Variants in SLIT3 observed in about 807,000 individuals in gnomAD.
SLIT3 encodes slit guidance ligand 3, also known as slit homolog 3 protein.
SLIT3 carries 68 observed loss-of-function variants against 184.0 expected under a neutral mutation model. That is an observed-to-expected ratio of 0.37 (90% CI 0.30 to 0.45). The LOEUF (loss-of-function observed/expected upper bound fraction) is 0.45, where lower values mean the gene tolerates loss of function less well. Ranked by LOEUF, SLIT3 falls within the 20% of genes least tolerant of loss-of-function variation. The probability of loss-of-function intolerance (pLI) is 1.00; values close to 1 mark genes in which losing one functional copy is unlikely to be tolerated. For missense variants in SLIT3, 1,707 were observed against 2,026.0 expected (o/e 0.84, Z 3.02); for synonymous variants, 831 against 828.6 (o/e 1.00, Z -0.05).
At chr5:169,136,860 C>T (rs895374340) in intron 4 of SLIT3, among the ~76,000 whole-genome samples, 1 of 152,086 alleles carries the variant, frequency 6.6e-6, no homozygotes, top group Non-Finnish European at 1.5e-5. Flanking sequence ...GACTTTAGAT[C>T]CTAGCCACCC....
chr5:169,176,033 T>C (rs1251963705), intron 4 of SLIT3, among the ~76,000 whole-genome samples: 1 of 152,310 alleles, frequency 6.6e-6, no homozygotes. Flanking sequence ...GCTTTTCTGT[T>C]GTTGTTTGAT....
intron 4 of SLIT3, among the ~76,000 whole-genome samples, chr5:169,079,035 A>T (rs928770694): frequency 1.3e-5 from 2 of 152,244 alleles, no homozygotes; most frequent in African/African-American, 4.8e-5. Context: ...GCTTCCTAAA[A>T]TTCAGTCTCT....
intron 12 of SLIT3, among the ~76,000 whole-genome samples, chr5:168,777,488 T>C (rs1755804750): frequency 6.6e-6 from 1 of 152,214 alleles, no homozygotes; most frequent in Non-Finnish European, 1.5e-5. Context: ...ATCAGGTCTA[T>C]TGAGGCTCTT....
chr5:168,744,672 A>G (rs1239752578), intron 20 of SLIT3, among the ~76,000 whole-genome samples: 1 of 152,252 alleles, frequency 6.6e-6, no homozygotes. Flanking sequence ...AAATATAGCA[A>G]CAAAGACTGG....
intron 4 of SLIT3, among the ~76,000 whole-genome samples, chr5:169,155,537 T>C (rs1245092929): frequency 5.3e-5 from 8 of 152,174 alleles, no homozygotes; most frequent in Admixed American, 3.3e-4. Flanking sequence ...CTAACGTAGA[T>C]ACAAGGCTGG....
Position 168,970,977 on chromosome 5 carries a change from G to A in SLIT3, c.414-87641C>T, listed in dbSNP as rs537090048. Among the ~76,000 whole-genome samples, 3 of 152,296 alleles carry A rather than the reference G, an allele frequency of 2.0e-5. No homozygotes were observed. The South Asian group carries it at 6.2e-4, about 32-fold the overall frequency. ...CCCTCCATGAAGAGCTTGCATGCTGGTGGACCCATCTTCTTTATCCATCTG... is the reference window on the plus strand; with the variant it reads ...CCCTCCATGAAGAGCTTGCATGCTGATGGACCCATCTTCTTTATCCATCTG... On this transcript the variant is annotated intron_variant, in intron 4 of 35. Coordinates refer to ENST00000519560, the MANE Select transcript of SLIT3 (RefSeq NM_003062.4).
chr5:169,134,506 A>G (rs1421766), intron 4 of SLIT3, among the ~76,000 whole-genome samples: 91,945 of 151,992 alleles, frequency 0.6, 29,134 homozygotes, highest in African/African-American at 0.79. Flanking sequence ...CATAGGACTT[A>G]ACTTAAACTG....
intron 32 of SLIT3, among the ~76,000 whole-genome samples, chr5:168,683,698 C>T (rs1018830493): frequency 2.6e-5 from 4 of 152,230 alleles, no homozygotes; most frequent in African/African-American, 9.6e-5. Flanking sequence ...CACTCCCGCA[C>T]AGTAGCCAGC....
At chr5:168,970,823 A>T (rs190635071) in intron 4 of SLIT3, among the ~76,000 whole-genome samples, 134 of 152,228 alleles carry the variant, frequency 8.8e-4, no homozygotes, top group Non-Finnish European at 4.1e-4. Context: ...AGGGTATGTA[A>T]TATCTTTGGA....
intron 4 of SLIT3, chr5:169,023,605 C>T (rs1581317936): frequency 6.7e-6 from 1 of 149,506 alleles, no homozygotes; most frequent in Non-Finnish European, 1.5e-5. Flanking sequence ...ACCCTCTGTT[C>T]TTTTTTTTTT....
At chr5:169,159,009 A>C (rs1014802170) in intron 4 of SLIT3, among the ~76,000 whole-genome samples, 3 of 152,226 alleles carry the variant, frequency 2.0e-5, no homozygotes, top group African/African-American at 7.2e-5. Flanking sequence ...GAGGCCGGGC[A>C]TGGTGGCTCA....
chr5:168,815,794 G>A (rs560844950), intron 8 of SLIT3, among the ~76,000 whole-genome samples: 1 of 152,314 alleles, frequency 6.6e-6, no homozygotes, highest in Admixed American at 6.5e-5. Context: ...GAGAGTTTGC[G>A]CTTCTGGCCA....
chr5:169,179,636 C>T (rs1051514246), intron 4 of SLIT3, among the ~76,000 whole-genome samples: 8 of 151,932 alleles, frequency 5.3e-5, no homozygotes, highest in Non-Finnish European at 1.0e-4. Flanking sequence ...CTCCTGCCAC[C>T]GAGTTAGTTT....
intron 4 of SLIT3, among the ~76,000 whole-genome samples, chr5:168,999,963 A>C (rs1755646582): frequency 6.6e-6 from 1 of 152,098 alleles, no homozygotes; most frequent in Non-Finnish European, 1.5e-5. Context: ...GATTTTTTCC[A>C]CTTGGGGTCT....
At chr5:168,735,417 G>C (rs186180359) in intron 20 of SLIT3, among the ~76,000 whole-genome samples, 1 of 152,240 alleles carries the variant, frequency 6.6e-6, no homozygotes, top group Non-Finnish European at 1.5e-5. Flanking sequence ...GCAGCTCAGG[G>C]GTCAGGCAGC....
chr5:169,288,267 A>G (rs192921896), intron 1 of SLIT3, among the ~76,000 whole-genome samples: 20 of 152,308 alleles, frequency 1.3e-4, no homozygotes, highest in African/African-American at 4.8e-4. Context: ...TAAAATGCAG[A>G]ACTTGTGCTG....
At chr5:168,743,414 T>C (rs958908928) in intron 20 of SLIT3, among the ~76,000 whole-genome samples, 1 of 152,234 alleles carries the variant, frequency 6.6e-6, no homozygotes, top group Admixed American at 6.5e-5. Flanking sequence ...TGATCAGTGA[T>C]CTTTGATGTC....
At chr5:168,838,708 T>G (rs748797271) in intron 6 of SLIT3, among the ~76,000 whole-genome samples, 3 of 152,164 alleles carry the variant, frequency 2.0e-5, no homozygotes, top group South Asian at 2.1e-4. Context: ...GTTTCAGGAC[T>G]GCTGTCGATT....
chr5:169,183,612 A>T (rs1763240859), intron 4 of SLIT3, among the ~76,000 whole-genome samples: 1 of 152,190 alleles, frequency 6.6e-6, no homozygotes, highest in Non-Finnish European at 1.5e-5. Flanking sequence ...ATCTTCAGAA[A>T]ACCATCTTGG....
Sources: allele counts gnomAD v4.1 joint callset (sites outside exome capture counted in the v4.1 genomes callset), GRCh38; gene constraint gnomAD v4.1.1; transcripts MANE v1.5; gene names NCBI Gene and HGNC (gene_info 2026-07-23, HGNC 2026-07-21).